Variants in AVEN observed in about 807,000 individuals in gnomAD.
AVEN encodes cell death regulator Aven.
AVEN carries 41 observed loss-of-function variants against 38.1 expected under a neutral mutation model. The ratio of observed to expected loss-of-function variants is 1.08; its 90% CI spans 0.84 to 1.40. AVEN has a LOEUF of 1.40. Among genes scored for constraint, AVEN ranks in the 40% most tolerant of loss-of-function variants. The pLI is 0.00. For synonymous variants in AVEN, 206 were observed against 171.8 expected (o/e 1.20, Z -1.56); for missense variants, 605 against 438.8 (o/e 1.38, Z -3.38).
chr15:34,022,475 G>C (rs904546511), intron 1 of AVEN, among the ~76,000 whole-genome samples: 1 of 152,142 alleles, frequency 6.6e-6, no homozygotes, highest in Non-Finnish European at 1.5e-5. Context: ...TTGTATTAGA[G>C]AAAGGTGGAT....
At chr15:33,909,605 G>T (rs368872025) in intron 2 of AVEN, among the ~76,000 whole-genome samples, 1 of 152,112 alleles carries the variant, frequency 6.6e-6, no homozygotes, top group African/African-American at 2.4e-5. Context: ...TTCAGCTTTC[G>T]AAGTAAAAGA....
At chr15:33,924,910 T>C (rs906584264) in intron 2 of AVEN, among the ~76,000 whole-genome samples, 2 of 152,188 alleles carry the variant, frequency 1.3e-5, no homozygotes, top group Admixed American at 6.5e-5. Context: ...TATATACATA[T>C]ATTTTAAAAT....
intron 2 of AVEN, among the ~76,000 whole-genome samples, chr15:33,884,820 G>C (rs2153038861): frequency 6.6e-6 from 1 of 152,320 alleles, no homozygotes; most frequent in South Asian, 2.1e-4. Context: ...AGGCATATGT[G>C]AAGAGTGAAT....
At chr15:33,940,804 T>C (rs1253174713) in intron 2 of AVEN, among the ~76,000 whole-genome samples, 1 of 152,206 alleles carries the variant, frequency 6.6e-6, no homozygotes, top group Admixed American at 6.5e-5. Context: ...CCTCCCAAAG[T>C]GCTGGGATTA....
chr15:33,978,990 G>A (rs978971638), intron 2 of AVEN, among the ~76,000 whole-genome samples: 10 of 152,002 alleles, frequency 6.6e-5, no homozygotes, highest in Admixed American at 2.0e-4. Context: ...ACAATAAATG[G>A]GACCTACTGG....
At chr15:33,945,502 T>A (rs1024588464) in intron 2 of AVEN, among the ~76,000 whole-genome samples, 1 of 152,218 alleles carries the variant, frequency 6.6e-6, no homozygotes, top group African/African-American at 2.4e-5. Context: ...CCTTTAATGG[T>A]TCACAGAGCC....
chr15:33,963,401 G>T (rs1895272508), intron 2 of AVEN, among the ~76,000 whole-genome samples: 1 of 152,132 alleles, frequency 6.6e-6, no homozygotes, highest in Admixed American at 6.5e-5. Context: ...ATCTCTGTGG[G>T]GTCTGCCTTG....
chr15:33,897,098 A>G (rs952375231), intron 2 of AVEN, among the ~76,000 whole-genome samples: 2 of 152,144 alleles, frequency 1.3e-5, no homozygotes, highest in African/African-American at 4.8e-5. Flanking sequence ...CCATTACATA[A>G]CATTCTAAAA....
intron 2 of AVEN, among the ~76,000 whole-genome samples, chr15:33,882,102 A>T (rs760937596): frequency 1.3e-5 from 2 of 152,226 alleles, no homozygotes; most frequent in Non-Finnish European, 2.9e-5. Context: ...GACTTACAGA[A>T]TATTGTAGAA....
chr15:34,068,968 C>T (rs924482972), intron 2 of AVEN, among the ~76,000 whole-genome samples: 12 of 151,856 alleles, frequency 7.9e-5, no homozygotes, highest in South Asian at 2.1e-4. Flanking sequence ...CCTGCCACCA[C>T]GCCCGGCTAA....
At chr15:33,876,966 G>A (rs1298207122) in intron 2 of AVEN, among the ~76,000 whole-genome samples, 7 of 152,018 alleles carry the variant, frequency 4.6e-5, no homozygotes, top group African/African-American at 1.7e-4. Context: ...GAAAAAAACA[G>A]AACTAAAACT....
At chr15:33,917,039 T>A (rs1236292882) in intron 2 of AVEN, among the ~76,000 whole-genome samples, 1 of 152,054 alleles carries the variant, frequency 6.6e-6, no homozygotes, top group Non-Finnish European at 1.5e-5. Flanking sequence ...ATGATTAGAT[T>A]AGCTCCCACT....
downstream of AVEN, chr15:33,864,193 AGAAATTAAGAATCATATACCCGTGTTAG>A: frequency 1.2e-6 from 2 of 1,607,108 alleles, no homozygotes; most frequent in East Asian, 4.5e-5. Flanking sequence ...GGGTCAGGTG[AGAAATTAAGAATCATATACCCGTGTTAG>A]ATCTCCCTTT....
intron 2 of AVEN, among the ~76,000 whole-genome samples, chr15:33,996,509 T>C (rs1896943276): frequency 6.6e-6 from 1 of 152,350 alleles, no homozygotes; most frequent in South Asian, 2.1e-4. Context: ...CAACATTTGC[T>C]GTCCTGCAAT....
intron 2 of AVEN, among the ~76,000 whole-genome samples, chr15:33,893,685 C>G (rs1567400402): frequency 6.6e-6 from 1 of 152,210 alleles, no homozygotes; most frequent in African/African-American, 2.4e-5. Flanking sequence ...ATCACCACTA[C>G]TAGCAAAGTG....
intron 2 of AVEN, among the ~76,000 whole-genome samples, chr15:33,984,852 C>T (rs1685119): frequency 0.5 from 76,357 of 151,968 alleles, 21,522 homozygotes; most frequent in Non-Finnish European, 0.64. Flanking sequence ...AATAACAGTT[C>T]ATTCACTCAT....
chr15:33,868,702 T>C (rs1455953245), intron 4 of AVEN, among the ~76,000 whole-genome samples: 3 of 152,156 alleles, frequency 2.0e-5, no homozygotes, highest in Non-Finnish European at 2.9e-5. Flanking sequence ...CACTATTTGA[T>C]GATTGTATTT....
downstream of AVEN, chr15:33,857,876 G>C (rs909959183): frequency 4.3e-6 from 7 of 1,614,146 alleles, no homozygotes; most frequent in South Asian, 7.7e-5. Flanking sequence ...AAGCGAAGAC[G>C]ATGACGAGCC....
chr15:33,859,410 T>TGCAGTGGACA (rs1471202920), intron 11 of AVEN, among the ~76,000 whole-genome samples: 2 of 152,222 alleles, frequency 1.3e-5, no homozygotes, highest in Non-Finnish European at 2.9e-5. Context: ...GTCCAGAGGG[T>TGCAGTGGACA]GCAGTGGACA....
Sources: gnomAD v4.1 joint callset for allele counts (sites outside exome capture counted in the v4.1 genomes callset) on GRCh38, gnomAD v4.1.1 for gene constraint, MANE v1.5 for transcripts, NCBI Gene and HGNC (gene_info 2026-07-23, HGNC 2026-07-21) for gene names.